The following DEAF1 variants were observed in gnomAD, a reference collection of about 807,000 sequenced individuals.
DEAF1 encodes DEAF1 transcription factor.
A neutral mutation model predicts 58.9 loss-of-function variants in DEAF1; 53 were observed. That is an observed-to-expected ratio of 0.90 (90% CI 0.72 to 1.13). The LOEUF (loss-of-function observed/expected upper bound fraction) is 1.13. Ranked by LOEUF, DEAF1 falls within the 50% of genes most tolerant of loss-of-function variation. DEAF1 has a pLI of 0.00. For synonymous variants in DEAF1, 385 were observed against 340.4 expected (o/e 1.13, Z -1.44); for missense variants, 685 against 791.4 (o/e 0.87, Z 1.61).
chr11:650,373 CAAAAAAAAAAAAA>C (rs796351710), intron 11 of DEAF1, among the ~76,000 whole-genome samples: 484 of 22,252 alleles, frequency 0.022, 10 homozygotes, highest in East Asian at 0.076. Context: ...CAGTCCGTCT[CAAAAAAAAAAAAA>C]AAAAAAAAAA....
At chr11:695,516 C>G, upstream of DEAF1, 1 of 995,582 alleles carries the variant, frequency 1.0e-6, no homozygotes, top group Non-Finnish European at 1.3e-6. Context: ...TCAGAGAGAG[C>G]TTAGTGCCGC....
In DEAF1 at chr11:659,804, G is replaced by A. The variant is rs568676918; in HGVS notation, c.1504-5753C>T. On this transcript the variant is annotated intron_variant, in intron 10 of 11. Transcript: ENST00000382409. ...CCACAGGCCCGGCCTCCTCTGGAGAGACAGAGCGGGAGAGGGGAGAGTGAG... is the reference window on the plus strand; with the variant it reads ...CCACAGGCCCGGCCTCCTCTGGAGAAACAGAGCGGGAGAGGGGAGAGTGAG... Among the ~76,000 whole-genome samples, 8 of 152,360 alleles carry A rather than the reference G, an allele frequency of 5.3e-5. No homozygotes were observed. In the South Asian group the frequency reaches 8.3e-4, roughly 16 times the overall value.
chr11:656,528 TTTA>T (rs1440293982), intron 10 of DEAF1, among the ~76,000 whole-genome samples: 2 of 152,232 alleles, frequency 1.3e-5, no homozygotes. Flanking sequence ...TTCTGCAGGC[TTTA>T]TTAACATTCT....
At chr11:703,659 C>A in intron 1 of DEAF1, 1 of 1,232,642 alleles carries the variant, frequency 8.1e-7, no homozygotes. Flanking sequence ...AGGCCTTGTG[C>A]TCTGAGCAAC....
intron 10 of DEAF1, among the ~76,000 whole-genome samples, chr11:656,866 T>G (rs1022837007): frequency 7.0e-6 from 1 of 143,770 alleles, no homozygotes; most frequent in African/African-American, 2.5e-5. Context: ...TTTGCAAAAC[T>G]TTTTTTTTTT....
At chr11:694,494 AGGGGCGGGT>A (rs968895192) in intron 1 of DEAF1, 90 of 236,374 alleles carry the variant, frequency 3.8e-4, no homozygotes, top group Non-Finnish European at 5.1e-4. Context: ...GGAAAGTGTG[AGGGGCGGGT>A]GGGGCAGGTG....
chr11:683,174 C>T (rs1028120749), intron 6 of DEAF1, among the ~76,000 whole-genome samples: 2 of 152,122 alleles, frequency 1.3e-5, no homozygotes, highest in Admixed American at 6.5e-5. Flanking sequence ...CCACTGAGCT[C>T]ATCACACCAC....
upstream of DEAF1, chr11:700,213 G>T: frequency 6.2e-7 from 1 of 1,613,804 alleles, no homozygotes; most frequent in Non-Finnish European, 8.5e-7. Flanking sequence ...TCCTCGCCAC[G>T]CTCCTGATGA....
At chr11:704,565 C>G (rs746818965) in intron 1 of DEAF1, 4 of 1,289,180 alleles carry the variant, frequency 3.1e-6, no homozygotes, top group Non-Finnish European at 4.0e-6. Flanking sequence ...CACCTGCCAT[C>G]TGGAGGACCC....
intron 6 of DEAF1, among the ~76,000 whole-genome samples, chr11:682,660 C>T (rs866028686): frequency 5.3e-5 from 8 of 152,138 alleles, no homozygotes; most frequent in East Asian, 1.9e-4. Flanking sequence ...TTGCATTAGC[C>T]GGGTTCTGTG....
At chr11:654,091 G>T (rs7112962) in intron 10 of DEAF1, 40 bp from the exon 11 acceptor site, 4 of 1,584,016 alleles carry the variant, frequency 2.5e-6, no homozygotes, top group Admixed American at 3.4e-5. Flanking sequence ...TGACGTGGCC[G>T]TGGAGAGCCC....
chr11:659,685 C>G (rs905947994), intron 10 of DEAF1, among the ~76,000 whole-genome samples: 2 of 152,154 alleles, frequency 1.3e-5, no homozygotes, highest in African/African-American at 4.8e-5. Context: ...GCTGGGAGAA[C>G]CCTGAGTAGC....
At chr11:659,820 G>A (rs545662069) in intron 10 of DEAF1, among the ~76,000 whole-genome samples, 3 of 152,234 alleles carry the variant, frequency 2.0e-5, no homozygotes, top group African/African-American at 4.8e-5. Context: ...GCGGGAGAGG[G>A]GAGAGTGAGC....
chr11:662,341 T>C (rs994500276), intron 10 of DEAF1, among the ~76,000 whole-genome samples: 2 of 152,200 alleles, frequency 1.3e-5, no homozygotes, highest in Non-Finnish European at 2.9e-5. Flanking sequence ...CTTCTTGCAG[T>C]GTGGCCCAGG....
intron 6 of DEAF1, among the ~76,000 whole-genome samples, chr11:684,274 T>C (rs7109469): frequency 0.71 from 107,578 of 152,058 alleles, 38,263 homozygotes; most frequent in East Asian, 0.93. Context: ...AAAAATTAGC[T>C]GGGCATTGTG....
chr11:653,149 A>T (rs1207061364), intron 11 of DEAF1, among the ~76,000 whole-genome samples: 1 of 151,758 alleles, frequency 6.6e-6, no homozygotes, highest in African/African-American at 2.4e-5. Context: ...ATTATGGTAG[A>T]CAAAGTTATA....
chr11:665,620 A>C (rs535362414), intron 10 of DEAF1, among the ~76,000 whole-genome samples: 1 of 152,338 alleles, frequency 6.6e-6, no homozygotes, highest in African/African-American at 2.4e-5. Context: ...TAAAATTACT[A>C]ATAAAATTCA....
chr11:695,468 A>T, upstream of DEAF1: 1 of 604,866 alleles, frequency 1.7e-6, no homozygotes, highest in Non-Finnish European at 2.4e-6. Context: ...GGACGGCTCT[A>T]GGCAGATTCT....
chr11:679,685 C>G lies in DEAF1; in HGVS notation c.1126+3G>C. 1 of 1,611,626 alleles carries G rather than the reference C, an allele frequency of 6.2e-7. No homozygotes were observed. Among genetic ancestry groups the G allele is most frequent in the Non-Finnish European group, 8.5e-7 (1 of 1,180,028 alleles). ...GCGTCAGGCAGGCACTGGAGCAGCTCACCTGTGGCCCCTGCGAAGACGTCG... is the reference window on the plus strand; with the variant it reads ...GCGTCAGGCAGGCACTGGAGCAGCTGACCTGTGGCCCCTGCGAAGACGTCG... On this transcript the variant is annotated splice_donor_region_variant and intron_variant, in intron 8 of 11. Coordinates refer to ENST00000382409, the MANE Select transcript of DEAF1 (RefSeq NM_021008.4).
Sources: allele counts gnomAD v4.1 joint callset (sites outside exome capture counted in the v4.1 genomes callset), GRCh38; gene constraint gnomAD v4.1.1; transcripts MANE v1.5; gene names NCBI Gene and HGNC (gene_info 2026-07-23, HGNC 2026-07-21).